The following NT5M variants were observed in gnomAD, a reference collection of about 807,000 sequenced individuals.
NT5M encodes 5',3'-nucleotidase, mitochondrial, also known as 5'(3')-deoxyribonucleotidase, mitochondrial.
In NT5M, 22 loss-of-function variants were observed where a neutral mutation model predicts 22.2. The ratio of observed to expected loss-of-function variants is 0.99; its 90% CI spans 0.71 to 1.41. The LOEUF is 1.41. Ranked by LOEUF, NT5M falls within the 40% of genes most tolerant of loss-of-function variation. NT5M has a pLI of 0.00. For synonymous variants in NT5M, 167 were observed against 133.0 expected (o/e 1.26, Z -1.76); for missense variants, 322 against 314.8 (o/e 1.02, Z -0.17).
Position 17,303,832 on chromosome 17 carries a change from C to T in NT5M, c.267+15C>T. On this transcript the variant is annotated intron_variant, in intron 1 of 4. Transcript: ENST00000389022. ...CAGGGCTGAGCGTGAGCGTCCCCGC[C>T]CCGCCCCGCGCCGGGCCTCCTTCTC... The T allele has an allele frequency of 7.2e-7, 1 of 1,386,746 alleles. No individual in the cohort carries two copies. The highest frequency in any genetic ancestry group is 9.5e-7 in the Non-Finnish European group (1 of 1,057,934). 85.9% of individuals were successfully genotyped at this position (1,386,746 alleles called of 1,614,324 possible). A position where few individuals can be genotyped will look rare whatever the true frequency, so the allele number is the denominator to read the frequency against.
intron 3 of NT5M, among the ~76,000 whole-genome samples, chr17:17,337,768 A>G (rs1310389792): frequency 2.6e-5 from 4 of 152,290 alleles, no homozygotes; most frequent in South Asian, 2.1e-4. Context: ...TTTTTTCTAT[A>G]GAGTTGTTTG....
Position 17,332,032 on chromosome 17 carries a change from G to A in NT5M, c.429+8787G>A, listed in dbSNP as rs370007730. ...CCCGACCTCATGATCCACCCGCCTC[G>A]GCCTCCCAAAGTGCTAGGATTACAG... On this transcript the variant is annotated intron_variant, in intron 3 of 4. Transcript: ENST00000389022. Among the ~76,000 whole-genome samples the A allele has an allele frequency of 2.6e-3, 398 of 151,808 alleles. 12 individuals carry two copies. The highest frequency in any genetic ancestry group is 9.0e-3 in the African/African-American group (371 of 41,250).
chr17:17,310,647 C>A (rs2048903723), intron 2 of NT5M, among the ~76,000 whole-genome samples: 1 of 151,990 alleles, frequency 6.6e-6, no homozygotes, highest in Admixed American at 6.6e-5. Context: ...CCCAGTCTGG[C>A]CAACATGGGG....
intron 2 of NT5M, among the ~76,000 whole-genome samples, chr17:17,319,537 G>A (rs2049107267): frequency 6.6e-6 from 1 of 152,086 alleles, no homozygotes; most frequent in Non-Finnish European, 1.5e-5. Flanking sequence ...TAACAATTAG[G>A]ACACACTGTT....
intron 2 of NT5M, among the ~76,000 whole-genome samples, chr17:17,310,817 C>T (rs2048908391): frequency 6.6e-6 from 1 of 152,008 alleles, no homozygotes; most frequent in Non-Finnish European, 1.5e-5. Context: ...GCCAAGTTCA[C>T]ACCACTGCAC....
chr17:17,309,520 C>T (rs895075864), intron 2 of NT5M, among the ~76,000 whole-genome samples: 1 of 152,194 alleles, frequency 6.6e-6, no homozygotes, highest in Non-Finnish European at 1.5e-5. Flanking sequence ...TGTACTATTG[C>T]ACATTTCCCA....
At position 17,347,314 on chromosome 17, in the gene NT5M, T is replaced by C; in HGVS notation, c.*367T>C. The C allele has an allele frequency of 4.6e-6, 1 of 216,642 alleles. No homozygotes were observed. The highest frequency in any genetic ancestry group is 9.1e-6 in the Non-Finnish European group (1 of 109,532). 13.4% of individuals were successfully genotyped at this position (216,642 alleles called of 1,614,324 possible). A position where few individuals can be genotyped will look rare whatever the true frequency, so the allele number is the denominator to read the frequency against. ...TTCTCTGAGGCAGAAGGGGGTTCCC[T>C]GTTCCCAGAGTCTGCAGCCATCAGC... On this transcript the variant is annotated 3_prime_UTR_variant, in exon 5 of 5. Coordinates refer to ENST00000389022, the MANE Select transcript of NT5M (RefSeq NM_020201.4).
At chr17:17,310,708 C>T (rs549272283) in intron 2 of NT5M, among the ~76,000 whole-genome samples, 29 of 145,304 alleles carry the variant, frequency 2.0e-4, no homozygotes, top group Non-Finnish European at 3.4e-4. Flanking sequence ...CATAGTGGTG[C>T]GTGCCTGTGA....
intron 3 of NT5M, among the ~76,000 whole-genome samples, chr17:17,335,236 A>G (rs2049482355): frequency 6.6e-6 from 1 of 152,112 alleles, no homozygotes; most frequent in Admixed American, 6.6e-5. Flanking sequence ...TGTTTAATTG[A>G]AATTTCCAAA....
intron 2 of NT5M, 61 bp from the exon 3 acceptor site, chr17:17,323,124 A>C: frequency 7.2e-7 from 1 of 1,387,060 alleles, no homozygotes; most frequent in Non-Finnish European, 1.0e-6. Context: ...GCAGGTGGTG[A>C]AGGCCTCGGG....
chr17:17,328,343 T>G (rs2049304645), intron 3 of NT5M, among the ~76,000 whole-genome samples: 1 of 152,134 alleles, frequency 6.6e-6, no homozygotes, highest in Admixed American at 6.6e-5. Flanking sequence ...GTCCTCATGG[T>G]TTAGCCACAC....
intron 1 of NT5M, among the ~76,000 whole-genome samples, chr17:17,304,663 T>G (rs2145305023): frequency 6.6e-6 from 1 of 152,154 alleles, no homozygotes; most frequent in East Asian, 1.9e-4. Context: ...CATCCTCTCT[T>G]TTGTTGGGTA....
chr17:17,305,949 A>G (rs2048792154), intron 1 of NT5M, among the ~76,000 whole-genome samples: 2 of 152,060 alleles, frequency 1.3e-5, no homozygotes, highest in Non-Finnish European at 2.9e-5. Flanking sequence ...GAGGGTCTGC[A>G]TTTTTGCTTT....
intron 3 of NT5M, among the ~76,000 whole-genome samples, chr17:17,344,170 C>G (rs1257296508): frequency 1.3e-5 from 2 of 152,156 alleles, no homozygotes. Flanking sequence ...CACACCCTGC[C>G]CCATGTCCGT....
chr17:17,346,652 C>T (rs1474679745), intron 4 of NT5M, among the ~76,000 whole-genome samples, 153 bp from the exon 5 acceptor site: 5 of 152,206 alleles, frequency 3.3e-5, no homozygotes, highest in African/African-American at 9.7e-5. Context: ...TCCTCACACC[C>T]GCTGCGAAGG....
At chr17:17,306,069 G>A (rs2048793959) in intron 1 of NT5M, among the ~76,000 whole-genome samples, 1 of 151,956 alleles carries the variant, frequency 6.6e-6, no homozygotes, top group Non-Finnish European at 1.5e-5. Flanking sequence ...GAGGATCCTC[G>A]AGCTCCCTGA....
chr17:17,308,871 G>A (rs1045589755), intron 2 of NT5M, among the ~76,000 whole-genome samples: 3 of 152,080 alleles, frequency 2.0e-5, no homozygotes, highest in Admixed American at 1.3e-4. Context: ...TTTGGGTCTG[G>A]CTTCTTTCAT....
At chr17:17,303,889 G>T in intron 1 of NT5M, 72 bp downstream of exon 1, 2 of 1,311,484 alleles carry the variant, frequency 1.5e-6, no homozygotes, top group South Asian at 4.0e-5. Context: ...CCCTGCGCCG[G>T]TGACCTTGGA....
In NT5M at chr17:17,303,396, C is replaced by G. The variant is rs1395648811; in HGVS notation, c.-155C>G. ...TCGCTCTGGGGCCGGTACTTGCGCG[C>G]CCGCACCCCGCGCTCCCCGCCCCGC... is the stretch of plus-strand genomic sequence containing the variant. On this transcript the variant is annotated 5_prime_UTR_variant, in exon 1 of 5. Transcript: ENST00000389022. The G allele has an allele frequency of 6.6e-6, 6 of 911,706 alleles. No homozygotes were observed. Among genetic ancestry groups the G allele is most frequent in the Non-Finnish European group, 7.9e-6 (6 of 760,648 alleles). 56.5% of individuals were successfully genotyped at this position (911,706 alleles called of 1,614,324 possible).
Sources: gnomAD v4.1 joint callset for allele counts (sites outside exome capture counted in the v4.1 genomes callset) on GRCh38, gnomAD v4.1.1 for gene constraint, MANE v1.5 for transcripts, NCBI Gene and HGNC (gene_info 2026-07-23, HGNC 2026-07-21) for gene names.